SLC39A10: variants seen among roughly 807,000 people sequenced by gnomAD.
SLC39A10 encodes solute carrier family 39 member 10, also known as zinc transporter ZIP10.
A neutral mutation model predicts 65.1 loss-of-function variants in SLC39A10; 13 were observed. The observed-to-expected ratio is 0.20, with a 90% CI of 0.13 to 0.32. The LOEUF is 0.32. SLC39A10 is among the 10% of genes least tolerant of loss of function. SLC39A10 has a pLI of 1.00. For synonymous variants in SLC39A10, 321 were observed against 342.2 expected (o/e 0.94, Z 0.68); for missense variants, 831 against 1,018.4 (o/e 0.82, Z 2.50).
In SLC39A10 at chr2:195,680,835, C is replaced by T. The variant is rs200767436; in HGVS notation, c.793C>T (p.Arg265Trp). 14 of 1,613,952 alleles carry T rather than the reference C, an allele frequency of 8.7e-6. No homozygotes were observed. The highest frequency in any genetic ancestry group is 1.3e-5 in the African/African-American group (1 of 74,898). ...HDQGEQYEHN[R>W]VHKPDRVHNP... ...TCAGGGTGAACAGTATGAGCATAAT[C>T]GGGTCCACAAACCTGATCGTGTACA... The change falls in exon 2 of 10, where the codon CGG becomes TGG. Residue 265 changes from arginine (R) to tryptophan (W), a missense_variant. Physicochemically the swap from Arg to Trp is moderately radical, Grantham distance 101. This residue lies in a region of SLC39A10 where 446 missense variants were observed against 499.2 expected (regional missense o/e 0.89). Transcript: ENST00000359634.
At chr2:195,733,607 C>T (rs1258775069) in intron 9 of SLC39A10, among the ~76,000 whole-genome samples, 2 of 151,822 alleles carry the variant, frequency 1.3e-5, no homozygotes, top group African/African-American at 2.4e-5. Context: ...CTTGGCTCAC[C>T]GCAACCTCCG....
chr2:195,623,578 A>G (rs528092004), intron 2 of SLC39A10, among the ~76,000 whole-genome samples: 1 of 152,280 alleles, frequency 6.6e-6, no homozygotes, highest in Admixed American at 6.5e-5. Flanking sequence ...TTTTACCTTG[A>G]GTTCATAGCT....
intron 6 of SLC39A10, among the ~76,000 whole-genome samples, chr2:195,716,220 C>G (rs1691801344): frequency 3.3e-5 from 5 of 152,100 alleles, no homozygotes; most frequent in Admixed American, 3.3e-4. Context: ...TAGGCTGCTG[C>G]AATAAGGGAG....
At chr2:195,704,126 A>G (rs1691302888) in intron 3 of SLC39A10, among the ~76,000 whole-genome samples, 1 of 152,178 alleles carries the variant, frequency 6.6e-6, no homozygotes, top group African/African-American at 2.4e-5. Context: ...CCATTCACCT[A>G]TATTTACATT....
At chr2:195,657,002 G>A (rs1559017914), upstream of SLC39A10, 1 of 152,288 alleles carries the variant, frequency 6.6e-6, no homozygotes, top group Non-Finnish European at 1.5e-5. Flanking sequence ...GACGATCCAT[G>A]TGGAATCCGT....
At chr2:195,685,595 T>C (rs966951203) in intron 3 of SLC39A10, among the ~76,000 whole-genome samples, 4 of 152,144 alleles carry the variant, frequency 2.6e-5, no homozygotes, top group Non-Finnish European at 5.9e-5. Context: ...TTCTCCCTCT[T>C]CACTTTCTAA....
chr2:195,720,609 T>G (rs1691997886), intron 8 of SLC39A10, among the ~76,000 whole-genome samples: 1 of 152,238 alleles, frequency 6.6e-6, no homozygotes. Flanking sequence ...ATAAATTTCT[T>G]GAAAAATCAA....
At chr2:195,628,613 G>A (rs1223059984) in intron 2 of SLC39A10, among the ~76,000 whole-genome samples, 3 of 152,206 alleles carry the variant, frequency 2.0e-5, no homozygotes, top group South Asian at 2.1e-4. Flanking sequence ...GTAATTAATT[G>A]CAAATGTGAT....
chr2:195,641,912 G>A (rs967322690), intron 2 of SLC39A10, among the ~76,000 whole-genome samples: 25 of 152,106 alleles, frequency 1.6e-4, no homozygotes, highest in African/African-American at 5.3e-4. Context: ...GCCTGGTTTT[G>A]AACTCCTGAC....
rs751116501 is a variant in SLC39A10 at position 195,680,701 on chromosome 2, C to T, written c.659C>T (p.Thr220Ile). 1.2e-6 allele frequency: 2 copies of T among 1,613,882 alleles called. No individual in the cohort carries two copies. The highest frequency in any genetic ancestry group is 1.1e-5 in the South Asian group (1 of 91,080). ...SNEPSTETNK[T>I]QEQSDVKLPK... ...GAACCTTCAACAGAGACCAATAAAA[C>T]CCAGGAACAATCTGATGTTAAACTA... The change falls in exon 2 of 10, where the codon ACC becomes ATC. Residue 220 changes from threonine (T) to isoleucine (I), a missense_variant. Thr to Ile is a moderately conservative substitution (Grantham distance 89). Around this residue, in one of 4 missense-constraint regions of SLC39A10, gnomAD observed 446 missense variants for 499.2 expected, o/e 0.89. Coordinates refer to ENST00000359634, the MANE Select transcript of SLC39A10 (RefSeq NM_020342.3).
chr2:195,673,841 A>C (rs1689973440), intron 1 of SLC39A10, among the ~76,000 whole-genome samples: 1 of 152,360 alleles, frequency 6.6e-6, no homozygotes, highest in African/African-American at 2.4e-5. Flanking sequence ...CCTGAATCCC[A>C]TTATCTTGCT....
intron 2 of SLC39A10, among the ~76,000 whole-genome samples, chr2:195,635,891 T>G (rs1241521285): frequency 6.6e-6 from 1 of 152,166 alleles, no homozygotes; most frequent in African/African-American, 2.4e-5. Context: ...TTTTTTTACA[T>G]GGTATGATGA....
chr2:195,647,981 G>T (rs1474438629), intron 2 of SLC39A10, among the ~76,000 whole-genome samples: 1 of 151,988 alleles, frequency 6.6e-6, no homozygotes, highest in Non-Finnish European at 1.5e-5. Context: ...CCTCCAAATG[G>T]ATTTCATTTA....
intron 3 of SLC39A10, among the ~76,000 whole-genome samples, chr2:195,700,494 T>C (rs2105801313): frequency 6.6e-6 from 1 of 152,334 alleles, no homozygotes; most frequent in South Asian, 2.1e-4. Context: ...CATACAAAAA[T>C]TCTGCTCCTT....
intron 2 of SLC39A10, among the ~76,000 whole-genome samples, chr2:195,626,278 TTA>T (rs1330262285): frequency 6.6e-6 from 1 of 152,164 alleles, no homozygotes; most frequent in Non-Finnish European, 1.5e-5. Context: ...TGAGATCTTC[TTA>T]TGTTTTGTGC....
chr2:195,616,581 A>G (rs1234353947), intron 2 of SLC39A10, among the ~76,000 whole-genome samples: 1 of 151,788 alleles, frequency 6.6e-6, no homozygotes, highest in Non-Finnish European at 1.5e-5. Context: ...CTGGGGTTAC[A>G]GGCATGAGCC....
chr2:195,666,444 T>G (rs1689640218), intron 1 of SLC39A10, among the ~76,000 whole-genome samples: 1 of 152,162 alleles, frequency 6.6e-6, no homozygotes, highest in African/African-American at 2.4e-5. Flanking sequence ...GCAGTAGCTA[T>G]TTTTAGAATA....
chr2:195,666,230 A>G (rs1019509504), intron 1 of SLC39A10, among the ~76,000 whole-genome samples: 1 of 152,180 alleles, frequency 6.6e-6, no homozygotes, highest in African/African-American at 2.4e-5. Flanking sequence ...TCTGAAACAT[A>G]AAAAAAGTCA....
chr2:195,694,672 C>T (rs978564968), intron 3 of SLC39A10, among the ~76,000 whole-genome samples: 23 of 152,148 alleles, frequency 1.5e-4, no homozygotes, highest in African/African-American at 5.6e-4. Flanking sequence ...GAAATGGACA[C>T]TGTGAAGGTC....
Sources: allele counts gnomAD v4.1 joint callset (sites outside exome capture counted in the v4.1 genomes callset), GRCh38; gene constraint gnomAD v4.1.1; regional missense constraint gnomAD v4.1.1; transcripts MANE v1.5; gene names NCBI Gene and HGNC (gene_info 2026-07-23, HGNC 2026-07-21).